The following TLN1 variants were observed in gnomAD, a reference collection of about 807,000 sequenced individuals.
The protein encoded by TLN1 is talin-1.
TLN1 carries 56 observed loss-of-function variants against 292.3 expected under a neutral mutation model. That is an observed-to-expected ratio of 0.19 (90% CI 0.15 to 0.24). The LOEUF is 0.24. Among genes scored for constraint, TLN1 ranks in the 10% least tolerant of loss-of-function variants. The pLI is 1.00. For missense variants in TLN1, 2,433 were observed against 3,248.2 expected (o/e 0.75, Z 6.10); for synonymous variants, 1,119 against 1,253.7 (o/e 0.89, Z 2.27).
chr9:35,699,164 G>T lies in TLN1; in HGVS notation c.6875-8C>A. On this transcript the variant is annotated splice_region_variant and splice_polypyrimidine_tract_variant and intron_variant, in intron 51 of 56. Coordinates refer to ENST00000314888, the MANE Select transcript of TLN1 (RefSeq NM_006289.4). The surrounding 1 kb of genome is among the most constrained non-coding windows in gnomAD (Gnocchi z 4.0). ...GGTCTACCCATTCTGTTCCTGGTGG[G>T]ATGAAGGAAGAGGAAAGAGGCTAAG... The T allele has an allele frequency of 6.2e-7, 1 of 1,600,510 alleles. No homozygotes were observed. The highest frequency in any genetic ancestry group is 2.2e-5 in the East Asian group (1 of 44,556).
intron 9 of TLN1, 50 bp from the exon 10 acceptor site, chr9:35,721,853 A>G (rs1325374914): frequency 2.5e-6 from 4 of 1,593,386 alleles, no homozygotes; most frequent in Non-Finnish European, 3.4e-6. Context: ...GTCAAATGAG[A>G]GGTGAATGAT....
chr9:35,714,114 G>C lies in TLN1; in HGVS notation c.3121-33C>G. On this transcript the variant is annotated intron_variant, in intron 24 of 56. Coordinates refer to ENST00000314888, the MANE Select transcript of TLN1 (RefSeq NM_006289.4). The surrounding 1 kb of genome is among the most constrained non-coding windows in gnomAD (Gnocchi z 4.6). ...AAGAAAGGGGTTTTGGGTGTAGAAGGTCCTGCTGTGTCTCACCAATGCCTC... is the reference window on the plus strand; with the variant it reads ...AAGAAAGGGGTTTTGGGTGTAGAAGCTCCTGCTGTGTCTCACCAATGCCTC... The C allele has an allele frequency of 1.2e-6, 2 of 1,611,046 alleles. No homozygotes were observed. The highest frequency in any genetic ancestry group is 1.7e-6 in the Non-Finnish European group (2 of 1,177,420).
Position 35,723,973 on chromosome 9 carries a change from T to TTC in TLN1, c.759_760dup (p.Lys254ArgfsTer10). ...TCACTCAAGGAAGCCAGCCTTGTGC[T>TTC]TCTGCTCATTGTGGGGCCCAAACTG... On this transcript the variant is annotated frameshift_variant, in exon 7 of 57. Coordinates refer to ENST00000314888, the MANE Select transcript of TLN1 (RefSeq NM_006289.4). LOFTEE classifies it high-confidence loss of function. The TTC allele has an allele frequency of 6.2e-7, 1 of 1,614,120 alleles. No homozygotes were observed. The highest frequency in any genetic ancestry group is 8.5e-7 in the Non-Finnish European group (1 of 1,179,996).
chr9:35,712,884 T>C lies in TLN1; in HGVS notation c.3512A>G (p.Lys1171Arg), dbSNP rs780950471. 6.3e-7 allele frequency: 1 copy of C among 1,598,730 alleles called. No individual in the cohort carries two copies. The highest frequency in any genetic ancestry group is 8.5e-7 in the Non-Finnish European group (1 of 1,171,932). The change falls in exon 27 of 57, where the codon AAG (lysine) becomes AGG (arginine). Residue 1171 changes from lysine to arginine, a missense_variant. Coordinates refer to ENST00000314888, the MANE Select transcript of TLN1 (RefSeq NM_006289.4). ...AGGGTCCCCTGGATGGCCAGCTGCCTTTTTCGCCTCCTCAATGAGGCTGCT... is the reference window on the plus strand; with the variant it reads ...AGGGTCCCCTGGATGGCCAGCTGCCCTTTTCGCCTCCTCAATGAGGCTGCT... Reference protein sequence around the residue: ...KASSLIEEAKKAAGHPGDPES... With the variant: ...KASSLIEEAKRAAGHPGDPES...
chr9:35,716,581 C>T (rs376624807), intron 19 of TLN1, 25 bp from the exon 20 acceptor site: 9 of 1,608,078 alleles, frequency 5.6e-6, no homozygotes, highest in African/African-American at 2.7e-5. Context: ...CACAGTCAGG[C>T]GAGGAAGCCA....
rs369037877 is a variant in TLN1, at chr9:35,704,286, C to G, written c.6047+46G>C. Reference sequence around the variant, plus strand: ...AATGCTATCCTGCCTCTTCCAGCCCCGTGCCCCGACCTGTCTGCCTCCCTT... The same window carrying G: ...AATGCTATCCTGCCTCTTCCAGCCCGGTGCCCCGACCTGTCTGCCTCCCTT... On this transcript the variant is annotated intron_variant, in intron 45 of 56. Coordinates refer to ENST00000314888, the MANE Select transcript of TLN1 (RefSeq NM_006289.4). This position sits in a 1 kb window ranked among gnomAD's most constrained non-coding sequence, Gnocchi z 6.9. 1 of 1,596,016 alleles carries G rather than the reference C, an allele frequency of 6.3e-7. No individual in the cohort carries two copies. Among genetic ancestry groups the G allele is most frequent in the Admixed American group, 1.7e-5 (1 of 59,000 alleles).
rs567047476 is a variant in TLN1 at position 35,712,946 on chromosome 9, A to G, written c.3450T>C (p.Ile1150=). The change falls in exon 27 of 57, where the codon ATT becomes ATC. Residue 1150 remains isoleucine, a synonymous_variant. Transcript: ENST00000314888. ...GCACATCACTGGCCGTATCAAGTAC[A>G]ATGGCCTGCACTGCAGGATCTGACG... is the stretch of plus-strand genomic sequence containing the variant. ...ALTSDPAVQA[I]VLDTASDVLD... 3.7e-6 allele frequency: 6 copies of G among 1,610,310 alleles called. No homozygotes were observed. The highest frequency in any genetic ancestry group is 1.7e-5 in the Admixed American group (1 of 59,614).
chr9:35,713,855 G>T (rs1467805006), intron 25 of TLN1, 98 bp downstream of exon 25: 2 of 1,335,692 alleles, frequency 1.5e-6, no homozygotes, highest in African/African-American at 2.9e-5. Context: ...AGAGAAAAAA[G>T]AAAAAGGAAG....
intron 48 of TLN1, among the ~76,000 whole-genome samples, chr9:35,702,070 G>A (rs1456030505): frequency 6.6e-6 from 1 of 152,348 alleles, no homozygotes; most frequent in African/African-American, 2.4e-5. Context: ...AATTGCGGGA[G>A]AGTATGGAAG....
rs1335022860 is a variant in TLN1 at position 35,714,738 on chromosome 9, C to A, written c.2871+22G>T. The A allele has an allele frequency of 2.5e-6, 4 of 1,609,096 alleles. No individual in the cohort carries two copies. In the East Asian group the frequency reaches 6.7e-5, roughly 27 times the overall value. ...CCCACAAGTCTCCCTCTTCCACTCC[C>A]ACATCCTTCCTAGAGTCTTACCTTG... On this transcript the variant is annotated intron_variant, in intron 22 of 56. Coordinates refer to ENST00000314888, the MANE Select transcript of TLN1 (RefSeq NM_006289.4). This position sits in a 1 kb window ranked among gnomAD's most constrained non-coding sequence, Gnocchi z 4.6.
In TLN1 at chr9:35,720,028, G is replaced by A. The variant is rs1291365611; in HGVS notation, c.1464+11C>T. ...AGGGCCCTGGCACCGTGGTGGAAGT[G>A]GGACACTTACCAGAGGAGGCATGTG... On this transcript the variant is annotated intron_variant, in intron 13 of 56. Coordinates refer to ENST00000314888, the MANE Select transcript of TLN1 (RefSeq NM_006289.4). The A allele has an allele frequency of 3.2e-6, 5 of 1,579,030 alleles. No homozygotes were observed. Among genetic ancestry groups the A allele is most frequent in the African/African-American group, 1.4e-5 (1 of 73,888 alleles).
At chr9:35,731,110 C>T (rs956231991) in intron 1 of TLN1, among the ~76,000 whole-genome samples, 1 of 152,144 alleles carries the variant, frequency 6.6e-6, no homozygotes, top group Non-Finnish European at 1.5e-5. Flanking sequence ...AGCCAGAACG[C>T]TAGCCTGAAA....
At position 35,707,958 on chromosome 9, in the gene TLN1, C is replaced by A; in HGVS notation, c.4471-66G>T. 6 of 1,570,866 alleles carry A rather than the reference C, an allele frequency of 3.8e-6. No individual in the cohort carries two copies. The South Asian group carries it at 6.8e-5, about 18-fold the overall frequency. On this transcript the variant is annotated intron_variant, in intron 34 of 56. Transcript: ENST00000314888. The surrounding 1 kb of genome is among the most constrained non-coding windows in gnomAD (Gnocchi z 5.6). The stretch of plus-strand genomic sequence containing the variant: ...GAGGTGTACATACCCAAGGAGGAGC[C>A]ATTTTAGGGTCAGGGGATGGAGAGC...
intron 28 of TLN1, 96 bp from the exon 29 acceptor site, chr9:35,711,888 G>C: frequency 6.3e-7 from 1 of 1,595,586 alleles, no homozygotes; most frequent in Admixed American, 1.7e-5. Context: ...CATAGCCTGG[G>C]AGTAATGAAA....
At chr9:35,720,668 C>T (rs1319156512) in intron 11 of TLN1, 144 bp downstream of exon 11, 1 of 1,009,360 alleles carries the variant, frequency 9.9e-7, no homozygotes, top group Non-Finnish European at 1.5e-6. Flanking sequence ...CTCTGTCACC[C>T]AGGCTGGAGT....
At chr9:35,700,441 T>C in intron 48 of TLN1, 65 bp from the exon 49 acceptor site, 2 of 1,487,172 alleles carry the variant, frequency 1.3e-6, no homozygotes, top group Non-Finnish European at 1.8e-6. Flanking sequence ...CGTAGAACTC[T>C]GTGTGCATGT....
rs1376091516 is a variant in TLN1, at chr9:35,711,261, G to C, written c.4013C>G (p.Ala1338Gly). The change falls in exon 30 of 57, where the codon GCT becomes GGT. Residue 1338 changes from alanine to glycine, a missense_variant. By Grantham distance (60) the Ala-to-Gly change is moderately conservative (BLOSUM62 0). Transcript: ENST00000314888. The part of the protein sequence containing the change: ...APNLKSQLAA[A>G]ARAVTDSINQ... ...CTTCTCAGCAACTACTTACCTGGCA[G>C]CTGCAGCCAGCTGACTCTTGAGGTT... is the stretch of plus-strand genomic sequence containing the variant. 2.5e-6 allele frequency: 4 copies of C among 1,614,148 alleles called. No homozygotes were observed. Among genetic ancestry groups the C allele is most frequent in the Non-Finnish European group, 3.4e-6 (4 of 1,180,046 alleles).
rs1825429460 is a variant in TLN1, at chr9:35,699,691, G to A, written c.6769-230C>T. The A allele has an allele frequency of 6.1e-6, 6 of 985,412 alleles. No homozygotes were observed. Among genetic ancestry groups the A allele is most frequent in the Non-Finnish European group, 7.2e-6 (6 of 829,934 alleles). 61.0% of individuals were successfully genotyped at this position (985,412 alleles called of 1,614,324 possible). On this transcript the variant is annotated intron_variant, in intron 50 of 56. Coordinates refer to ENST00000314888, the MANE Select transcript of TLN1 (RefSeq NM_006289.4). The surrounding 1 kb of genome is among the most constrained non-coding windows in gnomAD (Gnocchi z 4.0). ...GCTGACAAGGAGCAAGGAGAATGAT[G>A]AGATGAAAGAGGAGACGACGAAAGT...
At chr9:35,709,684 C>T (rs982591415) in intron 33 of TLN1, among the ~76,000 whole-genome samples, 12 of 148,952 alleles carry the variant, frequency 8.1e-5, no homozygotes, top group African/African-American at 2.5e-4. Context: ...GTCAGGAGAT[C>T]GAGACCATCC....
Sources: gnomAD v4.1 joint callset for allele counts (sites outside exome capture counted in the v4.1 genomes callset) on GRCh38, gnomAD v4.1.1 for gene constraint, Gnocchi (gnomAD v3.1) non-coding constraint, MANE v1.5 for transcripts, NCBI Gene and HGNC (gene_info 2026-07-23, HGNC 2026-07-21) for gene names.